Variants in DNAH10 observed in about 807,000 individuals in gnomAD.
DNAH10 encodes axonemal beta dynein heavy chain 10.
Under a neutral mutation model 506.6 loss-of-function variants are expected in DNAH10, and 348 were observed. That is an observed-to-expected ratio of 0.69 (90% CI 0.63 to 0.75). The LOEUF (loss-of-function observed/expected upper bound fraction) is 0.75. Among genes scored for constraint, DNAH10 ranks in the 30% least tolerant of loss-of-function variants. The pLI is 0.00. For missense variants in DNAH10, 5,179 were observed against 5,787.1 expected, an observed-to-expected ratio of 0.89 and a Z score of 3.41; for synonymous variants, 2,059 against 2,198.6, an observed-to-expected ratio of 0.94 and a Z score of 1.78.
At chr12:123,812,928 G>A (rs980702246) in intron 19 of DNAH10, among the ~76,000 whole-genome samples, 1 of 152,156 alleles carries the variant, frequency 6.6e-6, no homozygotes, top group African/African-American at 2.4e-5. Flanking sequence ...ATAATACCAT[G>A]TCCGCCCCTT....
rs548155106 is a variant in DNAH10 at position 123,917,405 on chromosome 12, G to A, written c.11003-179G>A. On this transcript the variant is annotated intron_variant, in intron 63 of 78. Coordinates refer to ENST00000673944, the MANE Select transcript of DNAH10 (RefSeq NM_001372106.1). The surrounding 1 kb of genome is among the most constrained non-coding windows in gnomAD (Gnocchi z 5.6). ...ATCTGCCACTCTGCACCACAGCATC[G>A]CTGTTTTGCTCCTGCCTGCCACCTT... Among the ~76,000 whole-genome samples, 7 of 152,208 alleles carry A rather than the reference G, an allele frequency of 4.6e-5. No individual in the cohort carries two copies. Among genetic ancestry groups the A allele is most frequent in the Non-Finnish European group, 1.0e-4 (7 of 68,036 alleles).
In DNAH10 at chr12:123,935,538, C is replaced by G. The variant is rs1436542638; in HGVS notation, c.*57C>G. The G allele has an allele frequency of 6.9e-7, 1 of 1,448,806 alleles. No individual in the cohort carries two copies. Among genetic ancestry groups the G allele is most frequent in the Admixed American group, 1.7e-5 (1 of 57,742 alleles). The allele number at this position is 1,448,806 out of a possible 1,614,324, so 89.7% of individuals were successfully genotyped here. ...CGGAGCCTGGGGTTGTCAGAGTGAT[C>G]GGGTCTGCTGTCATTTCTTGGGGCC... On this transcript the variant is annotated 3_prime_UTR_variant, in exon 79 of 79. Transcript: ENST00000673944.
chr12:123,914,956 C>T lies in DNAH10; in HGVS notation c.10679C>T (p.Ala3560Val), dbSNP rs376958586. The change falls in exon 62 of 79, where the codon GCC becomes GTC. Residue 3560 changes from alanine to valine, a missense_variant. Transcript: ENST00000673944. ...FPLCIDPQQQ[A>V]LNWIKRKEEK... ...CTGTGTATCGACCCCCAGCAGCAGGCCCTCAACTGGATCAAGAGAAAAGAG... is the reference window on the plus strand; with the variant it reads ...CTGTGTATCGACCCCCAGCAGCAGGTCCTCAACTGGATCAAGAGAAAAGAG... 5.0e-6 allele frequency: 8 copies of T among 1,611,638 alleles called. No homozygotes were observed. Among genetic ancestry groups the T allele is most frequent in the South Asian group, 1.1e-5 (1 of 90,538 alleles).
At chr12:123,873,449 G>T in intron 45 of DNAH10, 109 bp from the exon 46 acceptor site, 1 of 1,320,234 alleles carries the variant, frequency 7.6e-7, no homozygotes, top group Non-Finnish European at 1.0e-6. Flanking sequence ...TAAAAAGTTA[G>T]TTCAGAGGCC....
chr12:123,851,145 C>A, intron 35 of DNAH10, 69 bp downstream of exon 35: 2 of 1,487,526 alleles, frequency 1.3e-6, no homozygotes, highest in Non-Finnish European at 1.8e-6. Flanking sequence ...AGACTGGGGA[C>A]CTAGGACGCG....
intron 52 of DNAH10, among the ~76,000 whole-genome samples, chr12:123,888,005 A>G (rs997032844): frequency 6.6e-6 from 1 of 152,128 alleles, no homozygotes; most frequent in African/African-American, 2.4e-5. Flanking sequence ...CGGCCTCCCA[A>G]AGTGCTGGGA....
chr12:123,826,166 A>G (rs1414746285), intron 24 of DNAH10, among the ~76,000 whole-genome samples: 2 of 152,204 alleles, frequency 1.3e-5, no homozygotes, highest in African/African-American at 2.4e-5. Flanking sequence ...TCTCAGGAAA[A>G]TATAACACAG....
chr12:123,784,906 G>A (rs1282469109), intron 8 of DNAH10, among the ~76,000 whole-genome samples: 3 of 152,200 alleles, frequency 2.0e-5, no homozygotes, highest in Admixed American at 6.5e-5. Context: ...AGCGTGGAGC[G>A]TGTTAGTGTT....
At chr12:123,763,847 G>C (rs1278165541) in intron 1 of DNAH10, among the ~76,000 whole-genome samples, 1 of 140,708 alleles carries the variant, frequency 7.1e-6, no homozygotes, top group African/African-American at 2.7e-5. Flanking sequence ...CCAGGTGTTA[G>C]CCATCTGGCA....
Position 123,826,759 on chromosome 12 carries a change from G to T in DNAH10, c.4252G>T (p.Gly1418Cys). ...NVQILQEGIE[G>C]FLRALRKLPR... ...GCAGATTCTCCAGGAAGGAATTGAA[G>T]GTTTTCTCAGGGCTCTCAGAAAGCT... The change falls in exon 25 of 79, where the codon GGT becomes TGT. Residue 1418 changes from glycine (G) to cysteine (C), a missense_variant. By Grantham distance (159) the Gly-to-Cys change is radical (BLOSUM62 -3). This residue lies in a region of DNAH10 where 4,844 missense variants were observed against 5,430.5 expected (regional missense o/e 0.89). Coordinates refer to ENST00000673944, the MANE Select transcript of DNAH10 (RefSeq NM_001372106.1). 6.2e-7 allele frequency: 1 copy of T among 1,613,920 alleles called. No individual in the cohort carries two copies. Among genetic ancestry groups the T allele is most frequent in the Non-Finnish European group, 8.5e-7 (1 of 1,179,836 alleles).
chr12:123,861,244 G>A (rs1566008778), intron 39 of DNAH10, 74 bp downstream of exon 39: 1 of 1,530,020 alleles, frequency 6.5e-7, no homozygotes, highest in East Asian at 2.3e-5. Flanking sequence ...AACGGTGGCA[G>A]GACTATACAT....
Position 123,909,045 on chromosome 12 carries a change from C to G in DNAH10, c.9816-216C>G, listed in dbSNP as rs1953941778. Reference sequence around the variant, plus strand: ...TGCTGCCCCCGCACCATTCCAGGCGCCTGGTCTGGAACCTGAGAGGGGGAC... The same window carrying G: ...TGCTGCCCCCGCACCATTCCAGGCGGCTGGTCTGGAACCTGAGAGGGGGAC... On this transcript the variant is annotated intron_variant, in intron 57 of 78. Coordinates refer to ENST00000673944, the MANE Select transcript of DNAH10 (RefSeq NM_001372106.1). The surrounding 1 kb of genome is among the most constrained non-coding windows in gnomAD (Gnocchi z 5.4). Among the ~76,000 whole-genome samples, 1 of 152,190 alleles carries G rather than the reference C, an allele frequency of 6.6e-6. No individual in the cohort carries two copies. Among genetic ancestry groups the G allele is most frequent in the African/African-American group, 2.4e-5 (1 of 41,454 alleles).
chr12:123,924,346 G>T lies in DNAH10; in HGVS notation c.11680G>T (p.Asp3894Tyr). 1 of 1,613,678 alleles carries T rather than the reference G, an allele frequency of 6.2e-7. No homozygotes were observed. The highest frequency in any genetic ancestry group is 1.6e-4 in the Middle Eastern group (1 of 6,062). Residue 3894 changes from aspartate (D) to tyrosine (Y), a missense_variant, in exon 67 of 79, where the codon GAT becomes TAT. Transcript: ENST00000673944. The part of the protein sequence containing the change: ...CAWLSDQGWE[D>Y]IILLSEMFSD... Reference sequence around the variant, plus strand: ...TTGGTTGTCTGACCAAGGATGGGAAGATATCATTCTTTTATCAGAAATGTT... The same window carrying T: ...TTGGTTGTCTGACCAAGGATGGGAATATATCATTCTTTTATCAGAAATGTT...
Position 123,868,014 on chromosome 12 carries a change from C to A in DNAH10, c.7414C>A (p.Leu2472Met), listed in dbSNP as rs1951880391. 6.2e-7 allele frequency: 1 copy of A among 1,613,952 alleles called. No homozygotes were observed. The highest frequency in any genetic ancestry group is 1.3e-5 in the African/African-American group (1 of 75,032). Residue 2472 changes from leucine (L) to methionine (M), a missense_variant, in exon 43 of 79, where the codon CTG becomes ATG. Leu to Met is a conservative substitution (Grantham distance 15). Coordinates refer to ENST00000673944, the MANE Select transcript of DNAH10 (RefSeq NM_001372106.1). ...TTTGTACTGCTCTCTGGGAGCCTCC[C>A]TGCTTGAGGATGGAAGGATGAAATT... ...EALYCSLGAS[L>M]LEDGRMKFDE...
chr12:123,905,850 G>A (rs1953749564), intron 57 of DNAH10, among the ~76,000 whole-genome samples: 1 of 151,774 alleles, frequency 6.6e-6, no homozygotes, highest in Admixed American at 6.6e-5. Context: ...TGTTTATGAG[G>A]TTTATGTGTG....
chr12:123,796,697 T>G lies in DNAH10; in HGVS notation c.2028T>G (p.Asn676Lys), dbSNP rs1366023322. 1 of 1,612,600 alleles carries G rather than the reference T, an allele frequency of 6.2e-7. No individual in the cohort carries two copies. Among genetic ancestry groups the G allele is most frequent in the Non-Finnish European group, 8.5e-7 (1 of 1,179,604 alleles). ...AAATCTTTGTCCAGAACCTTGAAAATCCACCACTGTATAAGAATCACCCTC... is the reference window on the plus strand; with the variant it reads ...AAATCTTTGTCCAGAACCTTGAAAAGCCACCACTGTATAAGAATCACCCTC... ...INKIFVQNLENPPLYKNHPPV... is the reference protein window; with the variant it reads ...INKIFVQNLEKPPLYKNHPPV... Residue 676 changes from asparagine (N) to lysine (K), a missense_variant, in exon 13 of 79, where the codon AAT becomes AAG. This residue lies in a region of DNAH10 where 4,844 missense variants were observed against 5,430.5 expected (regional missense o/e 0.89). Coordinates refer to ENST00000673944, the MANE Select transcript of DNAH10 (RefSeq NM_001372106.1).
At chr12:123,901,817 C>T (rs540340422) in intron 56 of DNAH10, among the ~76,000 whole-genome samples, 7 of 152,182 alleles carry the variant, frequency 4.6e-5, no homozygotes, top group East Asian at 3.9e-4. Flanking sequence ...CCCGTCACCA[C>T]GCCTAGCTAA....
intron 5 of DNAH10, among the ~76,000 whole-genome samples, chr12:123,777,759 C>T (rs751930855): frequency 5.9e-4 from 90 of 152,192 alleles, no homozygotes; most frequent in Non-Finnish European, 9.7e-4. Flanking sequence ...GATCCTCCCA[C>T]CTCAGCCTCC....
intron 29 of DNAH10, among the ~76,000 whole-genome samples, chr12:123,840,361 C>G (rs984709111): frequency 6.9e-6 from 1 of 145,924 alleles, no homozygotes; most frequent in East Asian, 2.0e-4. Context: ...TTTCCTTTCT[C>G]AAAGGGGAGG....
Sources: gnomAD v4.1 joint callset for allele counts (sites outside exome capture counted in the v4.1 genomes callset) on GRCh38, gnomAD v4.1.1 for gene constraint, gnomAD v4.1.1 regional missense constraint, Gnocchi (gnomAD v3.1) non-coding constraint, MANE v1.5 for transcripts, NCBI Gene and HGNC (gene_info 2026-07-23, HGNC 2026-07-21) for gene names.